Variants in LRMDA observed in about 807,000 individuals in gnomAD.
LRMDA encodes leucine-rich melanocyte differentiation-associated protein.
Under a neutral mutation model 29.8 loss-of-function variants are expected in LRMDA, and 18 were observed. That is an observed-to-expected ratio of 0.60 (90% CI 0.42 to 0.90). The LOEUF is 0.90. Ranked by LOEUF, LRMDA falls within the 40% of genes least tolerant of loss-of-function variation. The pLI is 0.00. For synonymous variants in LRMDA, 125 were observed against 109.4 expected (o/e 1.14, Z -0.89); for missense variants, 273 against 273.9 (o/e 1.00, Z 0.02).
At chr10:75,789,272 A>G (rs1338132136) in intron 2 of LRMDA, among the ~76,000 whole-genome samples, 2 of 152,216 alleles carry the variant, frequency 1.3e-5, no homozygotes, top group African/African-American at 4.8e-5. Context: ...ACTACATAGC[A>G]CTTACAGCAG....
At position 75,485,953 on chromosome 10, in the gene LRMDA, T is replaced by A. The variant is rs78184393; in HGVS notation, c.131+47459T>A. Among the ~76,000 whole-genome samples, 1,324 of 152,350 alleles carry A rather than the reference T, an allele frequency of 8.7e-3. 16 individuals carry two copies. The highest frequency in any genetic ancestry group is 0.025 in the African/African-American group (1,045 of 41,578). On this transcript the variant is annotated intron_variant, in intron 2 of 6. Transcript: ENST00000611255. Reference sequence around the variant, plus strand: ...TGCTTTCCTTGTTTATTTTTATTTTTTGATTTTGAGCTGCTCACTTCATTT... The same window carrying A: ...TGCTTTCCTTGTTTATTTTTATTTTATGATTTTGAGCTGCTCACTTCATTT...
At chr10:76,339,982 GA>G (rs1841017564) in intron 6 of LRMDA, among the ~76,000 whole-genome samples, 1 of 151,820 alleles carries the variant, frequency 6.6e-6, no homozygotes, top group Non-Finnish European at 1.5e-5. Context: ...AGCAATGTGA[GA>G]AAACATGAAA....
intron 5 of LRMDA, among the ~76,000 whole-genome samples, chr10:76,184,769 T>C (rs1044950180): frequency 6.6e-6 from 1 of 152,186 alleles, no homozygotes; most frequent in African/African-American, 2.4e-5. Context: ...TGTCTTCTTT[T>C]CCCCCAGTAC....
chr10:76,495,430 TGAC>T (rs2132339291), intron 6 of LRMDA, among the ~76,000 whole-genome samples: 1 of 151,892 alleles, frequency 6.6e-6, no homozygotes, highest in East Asian at 1.9e-4. Flanking sequence ...TAATAAACCA[TGAC>T]ATTGAGGAGA....
intron 4 of LRMDA, among the ~76,000 whole-genome samples, chr10:76,051,352 T>C (rs562119153): frequency 1.3e-5 from 2 of 152,366 alleles, no homozygotes; most frequent in Admixed American, 6.5e-5. Context: ...CCTGTGGGTG[T>C]ATTGTTTGCA....
chr10:75,787,002 C>A (rs1403294871), intron 2 of LRMDA, among the ~76,000 whole-genome samples: 1 of 152,154 alleles, frequency 6.6e-6, no homozygotes, highest in Non-Finnish European at 1.5e-5. Flanking sequence ...GTGCTTATGA[C>A]CACCTTGGGG....
intron 2 of LRMDA, among the ~76,000 whole-genome samples, chr10:75,944,506 A>C (rs1205234398): frequency 6.6e-6 from 1 of 151,348 alleles, no homozygotes; most frequent in Non-Finnish European, 1.5e-5. Context: ...TTTCTGCTCC[A>C]TTCTATTTTT....
intron 6 of LRMDA, among the ~76,000 whole-genome samples, chr10:76,356,192 G>A (rs1339331967): frequency 6.6e-6 from 1 of 152,210 alleles, no homozygotes; most frequent in Non-Finnish European, 1.5e-5. Context: ...GATGATAGTG[G>A]TGGTAGTGGT....
chr10:75,653,141 A>G (rs1216293692), intron 2 of LRMDA, among the ~76,000 whole-genome samples: 1 of 152,198 alleles, frequency 6.6e-6, no homozygotes, highest in East Asian at 1.9e-4. Context: ...GAAGTGAATG[A>G]ACTGTTGGGT....
intron 2 of LRMDA, among the ~76,000 whole-genome samples, chr10:75,587,274 T>C (rs1840668101): frequency 6.6e-6 from 1 of 152,176 alleles, no homozygotes; most frequent in South Asian, 2.1e-4. Context: ...TAGCTTTTGG[T>C]AGTGGGTTGA....
chr10:75,792,131 C>T (rs939014458), intron 2 of LRMDA, among the ~76,000 whole-genome samples: 12 of 151,890 alleles, frequency 7.9e-5, no homozygotes, highest in African/African-American at 1.2e-4. Flanking sequence ...GTGCTGCGGG[C>T]GTGAGCCACC....
At chr10:76,020,464 T>G (rs889340335) in intron 2 of LRMDA, among the ~76,000 whole-genome samples, 2 of 152,218 alleles carry the variant, frequency 1.3e-5, no homozygotes, top group Non-Finnish European at 1.5e-5. Flanking sequence ...CTTTCTGGTT[T>G]GCCAAGCACT....
At chr10:76,407,876 A>G (rs1034330449) in intron 6 of LRMDA, among the ~76,000 whole-genome samples, 1 of 152,234 alleles carries the variant, frequency 6.6e-6, no homozygotes, top group African/African-American at 2.4e-5. Flanking sequence ...AGACATTCCT[A>G]TTAAGAAGGG....
At chr10:75,670,994 G>A (rs1841884710) in intron 2 of LRMDA, among the ~76,000 whole-genome samples, 1 of 152,086 alleles carries the variant, frequency 6.6e-6, no homozygotes, top group African/African-American at 2.4e-5. Context: ...AATACCGAGG[G>A]GAGCAAATCT....
intron 5 of LRMDA, among the ~76,000 whole-genome samples, chr10:76,184,422 G>A (rs1296210811): frequency 6.6e-6 from 1 of 152,206 alleles, no homozygotes; most frequent in African/African-American, 2.4e-5. Flanking sequence ...AGAAGTTGAA[G>A]CAAGAGATGA....
intron 6 of LRMDA, among the ~76,000 whole-genome samples, chr10:76,487,658 C>T (rs1007091672): frequency 6.6e-6 from 1 of 151,766 alleles, no homozygotes; most frequent in South Asian, 2.1e-4. Flanking sequence ...CAAGAATTTA[C>T]AATCTGTTAG....
At chr10:76,386,738 T>C (rs1212086376) in intron 6 of LRMDA, among the ~76,000 whole-genome samples, 1 of 152,190 alleles carries the variant, frequency 6.6e-6, no homozygotes, top group Non-Finnish European at 1.5e-5. Flanking sequence ...CATAAAAATG[T>C]GTATTTTTAT....
chr10:75,970,754 C>T (rs1375438334), intron 2 of LRMDA, among the ~76,000 whole-genome samples: 5 of 152,298 alleles, frequency 3.3e-5, no homozygotes, highest in African/African-American at 1.2e-4. Flanking sequence ...GGACCACATC[C>T]TTTTTACTGT....
intron 6 of LRMDA, among the ~76,000 whole-genome samples, chr10:76,514,288 G>T (rs1468899068): frequency 6.6e-6 from 1 of 152,154 alleles, no homozygotes; most frequent in Non-Finnish European, 1.5e-5. Flanking sequence ...GAGCCTGTTA[G>T]CCCACCAAAA....
Sources: allele counts gnomAD v4.1 joint callset (sites outside exome capture counted in the v4.1 genomes callset), GRCh38; gene constraint gnomAD v4.1.1; transcripts MANE v1.5; gene names NCBI Gene and HGNC (gene_info 2026-07-23, HGNC 2026-07-21).